The following DZIP1L variants were observed in gnomAD, a reference collection of about 807,000 sequenced individuals.
DZIP1L encodes cilium assembly protein DZIP1L.
A neutral mutation model predicts 88.7 loss-of-function variants in DZIP1L; 90 were observed. The observed-to-expected ratio is 1.02, with a 90% CI of 0.86 to 1.21. The LOEUF is 1.21. Among genes scored for constraint, DZIP1L ranks in the 50% most tolerant of loss-of-function variants. The probability of loss-of-function intolerance (pLI) is 0.00; values close to 1 mark genes in which losing one functional copy is unlikely to be tolerated. For missense variants in DZIP1L, 932 were observed against 955.8 expected (o/e 0.98, Z 0.33); for synonymous variants, 363 against 372.1 (o/e 0.98, Z 0.28).
chr3:138,064,318 C>T (rs971827023), intron 15 of DZIP1L: 9 of 1,218,494 alleles, frequency 7.4e-6, no homozygotes, highest in African/African-American at 1.6e-5. Flanking sequence ...GGAAGAGCAG[C>T]TGCTGCAGGA....
intron 15 of DZIP1L, among the ~76,000 whole-genome samples, chr3:138,064,118 C>A (rs1288361297): frequency 6.6e-6 from 1 of 152,142 alleles, no homozygotes; most frequent in Non-Finnish European, 1.5e-5. Context: ...CAGTCTGAGG[C>A]AAGGAGGCTC....
chr3:138,083,983 A>G lies in DZIP1L; in HGVS notation c.1203+130T>C, dbSNP rs1012982689. 2.3e-6 allele frequency: 3 copies of G among 1,309,512 alleles called. No individual in the cohort carries two copies. In the African/African-American group the frequency reaches 4.5e-5, roughly 19 times the overall value. 81.1% of individuals were successfully genotyped at this position (1,309,512 alleles called of 1,614,324 possible). ...CATTTTGTGCCCTTCATGCCAGAGG[A>G]CTCTTCTCTCTCCTTAAGGAGCCTG... On this transcript the variant is annotated intron_variant, in intron 8 of 15. Coordinates refer to ENST00000327532, the MANE Select transcript of DZIP1L (RefSeq NM_173543.3).
At position 138,103,536 on chromosome 3, in the gene DZIP1L, G is replaced by A. The variant is rs150414131; in HGVS notation, c.436C>T (p.Arg146Cys). Residue 146 changes from arginine to cysteine, a missense_variant, in exon 2 of 16, where the codon CGT becomes TGT. Arg to Cys is a radical substitution (Grantham distance 180, BLOSUM62 -3). Transcript: ENST00000327532. ...LKGVREESRR[R>C]RKMISTLQQL... ...TGCAGGGTGCTGATCATCTTGCGACGCCGGCGGCTCTCCTCCCGCACACCC... is the reference window on the plus strand; with the variant it reads ...TGCAGGGTGCTGATCATCTTGCGACACCGGCGGCTCTCCTCCCGCACACCC... 71 of 1,610,814 alleles carry A rather than the reference G, an allele frequency of 4.4e-5. No homozygotes were observed. The East Asian group carries it at 8.9e-4, about 20-fold the overall frequency.
intron 4 of DZIP1L, among the ~76,000 whole-genome samples, chr3:138,094,004 C>G (rs1258370744): frequency 3.9e-5 from 6 of 152,212 alleles, no homozygotes; most frequent in African/African-American, 1.4e-4. Flanking sequence ...GCACAAGAGG[C>G]CTGCCTCTCA....
chr3:138,081,642 C>T (rs1943655009), intron 9 of DZIP1L, 92 bp downstream of exon 9: 2 of 1,321,942 alleles, frequency 1.5e-6, no homozygotes, highest in Non-Finnish European at 2.1e-6. Context: ...CAATCCACCA[C>T]CCATGAATTG....
chr3:138,096,911 G>C (rs1312697196), intron 3 of DZIP1L, among the ~76,000 whole-genome samples: 3 of 152,120 alleles, frequency 2.0e-5, no homozygotes, highest in Admixed American at 1.3e-4. Context: ...TGGGTGCAGT[G>C]GCTCATGCCT....
In DZIP1L at chr3:138,062,768, C is replaced by T; in HGVS notation, c.*48G>A. 6.2e-7 allele frequency: 1 copy of T among 1,606,644 alleles called. No individual in the cohort carries two copies. The highest frequency in any genetic ancestry group is 8.5e-7 in the Non-Finnish European group (1 of 1,175,418). ...CCTCTTCTGTTGAAGTGGACCTGAG[C>T]TGGCCCCAGCCAGGCTAACCCTCTA... is the stretch of plus-strand genomic sequence containing the variant. On this transcript the variant is annotated 3_prime_UTR_variant, in exon 16 of 16. Transcript: ENST00000327532.
At chr3:138,102,136 C>T (rs1347711731) in intron 2 of DZIP1L, 7 of 1,395,692 alleles carry the variant, frequency 5.0e-6, no homozygotes, top group South Asian at 4.6e-5. Context: ...TTGACCTCAG[C>T]GATGATGCTG....
chr3:138,108,566 G>A (rs1414192749), intron 1 of DZIP1L, among the ~76,000 whole-genome samples: 1 of 151,886 alleles, frequency 6.6e-6, no homozygotes, highest in Non-Finnish European at 1.5e-5. Context: ...CTATCCACCT[G>A]CAACCCATTT....
chr3:138,073,602 T>C (rs1943273968), intron 11 of DZIP1L, among the ~76,000 whole-genome samples: 1 of 152,128 alleles, frequency 6.6e-6, no homozygotes, highest in South Asian at 2.1e-4. Context: ...TAACATAGTC[T>C]ACCCAAATGA....
chr3:138,105,365 A>AATAT (rs553482947), intron 1 of DZIP1L, among the ~76,000 whole-genome samples: 4 of 150,114 alleles, frequency 2.7e-5, no homozygotes, highest in Non-Finnish European at 5.9e-5. Context: ...ATTTTATATA[A>AATAT]ATATATATAT....
chr3:138,068,982 T>G, intron 12 of DZIP1L: 1 of 1,274,724 alleles, frequency 7.8e-7, no homozygotes, highest in Non-Finnish European at 9.9e-7. Flanking sequence ...ATGTGTGGAT[T>G]GGGTCACAAT....
At chr3:138,069,734 TTG>T (rs762564031) in intron 12 of DZIP1L, among the ~76,000 whole-genome samples, 7 of 152,076 alleles carry the variant, frequency 4.6e-5, no homozygotes, top group Non-Finnish European at 8.8e-5. Flanking sequence ...CAAACCCAGG[TTG>T]TCTGTCTGCC....
At chr3:138,068,499 A>AC in intron 12 of DZIP1L, 132 bp from the exon 13 acceptor site, 1 of 630,248 alleles carries the variant, frequency 1.6e-6, no homozygotes, top group Non-Finnish European at 2.4e-6. Context: ...TAACCACAGC[A>AC]GATTTCATGA....
In DZIP1L at chr3:138,114,519, G is replaced by C. The variant is rs939558779; in HGVS notation, c.-82+809C>G. 5.3e-5 allele frequency among the ~76,000 whole-genome samples: 8 copies of C among 152,292 alleles called. No homozygotes were observed. The East Asian group carries it at 1.3e-3, about 26-fold the overall frequency. ...CACTGGCCAGTCCTCACATCCGGGA[G>C]GGGGAGGAGAGGTGCTAGGGGCTGC... On this transcript the variant is annotated intron_variant, in intron 1 of 15. Coordinates refer to ENST00000327532, the MANE Select transcript of DZIP1L (RefSeq NM_173543.3).
chr3:138,109,064 G>A (rs1268680567), intron 1 of DZIP1L, among the ~76,000 whole-genome samples: 3 of 152,216 alleles, frequency 2.0e-5, no homozygotes, highest in Non-Finnish European at 4.4e-5. Flanking sequence ...TTGAGCTCCA[G>A]CCACAGGGGA....
intron 1 of DZIP1L, among the ~76,000 whole-genome samples, chr3:138,114,710 G>T (rs567765950): frequency 6.6e-6 from 1 of 152,110 alleles, no homozygotes; most frequent in Non-Finnish European, 1.5e-5. Flanking sequence ...GAAGTGCTCC[G>T]TGAACTAGGC....
At position 138,063,191 on chromosome 3, in the gene DZIP1L, T is replaced by A. The variant is rs528500408; in HGVS notation, c.2143-214A>T. ...GACCTGGGATCAGGGTGATTTCAAATACCCCTGAAATTCTACTAACCAAAC... is the reference window on the plus strand; with the variant it reads ...GACCTGGGATCAGGGTGATTTCAAAAACCCCTGAAATTCTACTAACCAAAC... On this transcript the variant is annotated intron_variant, in intron 15 of 15. Transcript: ENST00000327532. The surrounding 1 kb of genome is among the most constrained non-coding windows in gnomAD (Gnocchi z 4.1). Among the ~76,000 whole-genome samples the A allele has an allele frequency of 2.6e-5, 4 of 152,266 alleles. No homozygotes were observed. The highest frequency in any genetic ancestry group is 9.6e-5 in the African/African-American group (4 of 41,558).
At chr3:138,096,083 G>C (rs1261917790) in intron 3 of DZIP1L, among the ~76,000 whole-genome samples, 2 of 152,038 alleles carry the variant, frequency 1.3e-5, no homozygotes, top group Non-Finnish European at 2.9e-5. Context: ...CGTTTCTCAG[G>C]TTGGACATTT....
Sources: gnomAD v4.1 joint callset for allele counts (sites outside exome capture counted in the v4.1 genomes callset) on GRCh38, gnomAD v4.1.1 for gene constraint, Gnocchi (gnomAD v3.1) non-coding constraint, MANE v1.5 for transcripts, NCBI Gene and HGNC (gene_info 2026-07-23, HGNC 2026-07-21) for gene names.